Variants in TRPM2 observed in about 807,000 individuals in gnomAD.
The protein encoded by TRPM2 is estrogen-responsive element-associated gene 1 protein.
TRPM2 carries 161 observed loss-of-function variants against 174.0 expected under a neutral mutation model. The ratio of observed to expected loss-of-function variants is 0.93; its 90% confidence interval spans 0.81 to 1.05. TRPM2 has a LOEUF of 1.05. Among genes scored for constraint, TRPM2 ranks in the 50% least tolerant of loss-of-function variants. The probability of loss-of-function intolerance (pLI) is 0.00; values close to 1 mark genes in which losing one functional copy is unlikely to be tolerated. For synonymous variants in TRPM2, 954 were observed against 861.3 expected (o/e 1.11, Z -1.88); for missense variants, 2,057 against 2,038.0 (o/e 1.01, Z -0.18).
chr21:44,396,838 A>G (rs1239553452), intron 12 of TRPM2, among the ~76,000 whole-genome samples: 1 of 23,242 alleles, frequency 4.3e-5, no homozygotes, highest in Non-Finnish European at 7.2e-5. Flanking sequence ...GAGGCTGTGG[A>G]GGGGTGTGGA....
In TRPM2 at chr21:44,441,964, C is replaced by A; in HGVS notation, c.*147C>A. Reference sequence around the variant, plus strand: ...TGGACCCAGTGCCCCTCACGGCTGCCGCAAGTCTGCTGCAGATGACCTCAT... The same window carrying A: ...TGGACCCAGTGCCCCTCACGGCTGCAGCAAGTCTGCTGCAGATGACCTCAT... On this transcript the variant is annotated 3_prime_UTR_variant, in exon 32 of 32. Coordinates refer to ENST00000397928, the MANE Select transcript of TRPM2 (RefSeq NM_003307.4). The A allele has an allele frequency of 2.5e-6, 3 of 1,192,878 alleles. No individual in the cohort carries two copies. Among genetic ancestry groups the A allele is most frequent in the South Asian group, 2.2e-5 (1 of 45,332 alleles). 73.9% of individuals were successfully genotyped at this position (1,192,878 alleles called of 1,614,324 possible).
intron 13 of TRPM2, among the ~76,000 whole-genome samples, chr21:44,398,303 C>T (rs373364484): frequency 1.5e-4 from 23 of 151,684 alleles, no homozygotes; most frequent in Admixed American, 1.4e-3. Flanking sequence ...TGGATTCAAG[C>T]GATTCTCCTG....
chr21:44,361,749 C>T (rs1046796434), intron 2 of TRPM2, among the ~76,000 whole-genome samples: 22 of 151,996 alleles, frequency 1.4e-4, no homozygotes, highest in African/African-American at 4.6e-4. Flanking sequence ...ACTCTGTTGC[C>T]CAGGCTGGAG....
intron 13 of TRPM2, among the ~76,000 whole-genome samples, 156 bp downstream of exon 13, chr21:44,398,032 G>A (rs975147177): frequency 5.3e-5 from 8 of 152,146 alleles, no homozygotes; most frequent in East Asian, 1.9e-4. Flanking sequence ...TCCTCATCCC[G>A]GAGTCTCGGC....
intron 6 of TRPM2, among the ~76,000 whole-genome samples, 153 bp from the exon 7 acceptor site, chr21:44,377,559 C>A (rs1194617156): frequency 6.6e-6 from 1 of 152,236 alleles, no homozygotes; most frequent in African/African-American, 2.4e-5. Context: ...TAGGCTGGAG[C>A]CAGCAGGGGG....
chr21:44,402,795 C>T (rs45487098), intron 16 of TRPM2, among the ~76,000 whole-genome samples: 70 of 152,262 alleles, frequency 4.6e-4, no homozygotes, highest in Middle Eastern at 3.4e-3. Context: ...TGCTGGCAGC[C>T]GGTGAATGGG....
chr21:44,427,144 A>C, intron 27 of TRPM2, 33 bp downstream of exon 27: 1 of 1,535,130 alleles, frequency 6.5e-7, no homozygotes, highest in Non-Finnish European at 8.8e-7. Context: ...CCGCCCCGTC[A>C]GCCTTTGGGG....
rs2051293902 is a variant in TRPM2 at position 44,436,987 on chromosome 21, G to A, written c.4062-75G>A. The A allele has an allele frequency of 4.5e-5, 62 of 1,390,226 alleles. 2 individuals carry two copies. The South Asian group carries it at 6.8e-4, about 15-fold the overall frequency. The allele number at this position is 1,390,226 out of a possible 1,614,324, so 86.1% of individuals were successfully genotyped here. A position where few individuals can be genotyped will look rare whatever the true frequency, so the allele number is the denominator to read the frequency against. The stretch of plus-strand genomic sequence containing the variant: ...CTGACACTGCCCCGCCCCAGGCAGG[G>A]CCAGCCCCGCCGCGGCGCAGGGGAG... On this transcript the variant is annotated intron_variant, in intron 28 of 31. Transcript: ENST00000397928.
At chr21:44,433,656 C>G (rs540395927) in intron 27 of TRPM2, among the ~76,000 whole-genome samples, 1 of 152,318 alleles carries the variant, frequency 6.6e-6, no homozygotes, top group Non-Finnish European at 1.5e-5. Flanking sequence ...AGCTCTGTAG[C>G]TGGGTGGGGC....
At position 44,417,960 on chromosome 21, in the gene TRPM2, C is replaced by G. The variant is rs371699950; in HGVS notation, c.3180C>G (p.Asp1060Glu). 1 of 1,612,772 alleles carries G rather than the reference C, an allele frequency of 6.2e-7. No homozygotes were observed. The highest frequency in any genetic ancestry group is 1.3e-5 in the African/African-American group (1 of 74,926). Residue 1060 changes from aspartate (D) to glutamate (E), a missense_variant, in exon 21 of 32, where the codon GAC becomes GAG. Coordinates refer to ENST00000397928, the MANE Select transcript of TRPM2 (RefSeq NM_003307.4). ...YTFQQVQEHT[D>E]QIWKFQRHDL... ...TCCAGCAGGTGCAGGAGCACACGGA[C>G]CAGATTTGGAAGTTCCAGCGCCATG...
At chr21:44,397,287 T>C (rs1334975344) in intron 12 of TRPM2, among the ~76,000 whole-genome samples, 1 of 152,110 alleles carries the variant, frequency 6.6e-6, no homozygotes, top group Admixed American at 6.5e-5. Flanking sequence ...TCCGCCTGCC[T>C]CGGCCTTCCA....
chr21:44,433,157 C>T (rs1040555289), intron 27 of TRPM2, among the ~76,000 whole-genome samples: 10 of 152,300 alleles, frequency 6.6e-5, no homozygotes, highest in Non-Finnish European at 8.8e-5. Flanking sequence ...CAGAAGCGAG[C>T]GTGCATGTGG....
Position 44,432,955 on chromosome 21 carries a change from G to A in TRPM2, c.3975-2176G>A, listed in dbSNP as rs548775929. Among the ~76,000 whole-genome samples, 1 of 152,276 alleles carries A rather than the reference G, an allele frequency of 6.6e-6. No homozygotes were observed. The highest frequency in any genetic ancestry group is 1.9e-4 in the East Asian group (1 of 5,188). ...CCGGGCACGTGGCAGGGAGATGAGG[G>A]GTTGAGAACCATATGGACGAGATCA... On this transcript the variant is annotated intron_variant, in intron 27 of 31. Coordinates refer to ENST00000397928, the MANE Select transcript of TRPM2 (RefSeq NM_003307.4). The surrounding 1 kb of genome is among the most constrained non-coding windows in gnomAD (Gnocchi z 4.9).
At chr21:44,397,919 T>G (rs2049483614) in intron 13 of TRPM2, 43 bp downstream of exon 13, 14 of 1,531,090 alleles carry the variant, frequency 9.1e-6, no homozygotes, top group Non-Finnish European at 1.2e-5. Flanking sequence ...GGCTCAGCCG[T>G]GCATGCCCTC....
chr21:44,394,546 C>T (rs1373916854), intron 11 of TRPM2, among the ~76,000 whole-genome samples: 1 of 151,594 alleles, frequency 6.6e-6, no homozygotes, highest in Non-Finnish European at 1.5e-5. Flanking sequence ...GTCTCGATCT[C>T]CTGACCTCGT....
intron 19 of TRPM2, among the ~76,000 whole-genome samples, chr21:44,409,196 T>A (rs1005350870): frequency 6.6e-6 from 1 of 152,190 alleles, no homozygotes; most frequent in African/African-American, 2.4e-5. Flanking sequence ...GCTTTTGGTG[T>A]CCTAGCGAAA....
rs2050816506 is a variant in TRPM2 at position 44,427,008 on chromosome 21, A to G, written c.3873-2A>G. 1 of 1,591,756 alleles carries G rather than the reference A, an allele frequency of 6.3e-7. No individual in the cohort carries two copies. Among genetic ancestry groups the G allele is most frequent in the Non-Finnish European group, 8.5e-7 (1 of 1,170,542 alleles). On this transcript the variant is annotated splice_acceptor_variant, in intron 26 of 31. Transcript: ENST00000397928. LOFTEE classifies it high-confidence loss of function. ...CAGACACGCCTTCTCCTCTGCTCCC[A>G]GCACCCTGGAGCCACTGTCCACGAT...
At chr21:44,400,394 C>CAGGACTGT (rs747347247) in intron 15 of TRPM2, 23 bp downstream of exon 15, 1 of 1,586,444 alleles carries the variant, frequency 6.3e-7, no homozygotes, top group Admixed American at 1.8e-5. Context: ...TGCGGGGCTG[C>CAGGACTGT]GGGACTGTGG....
chr21:44,369,118 C>T (rs900993837), intron 4 of TRPM2, 59 bp from the exon 5 acceptor site: 8 of 1,341,122 alleles, frequency 6.0e-6, no homozygotes, highest in Non-Finnish European at 7.6e-6. Flanking sequence ...GCGTCAGGCT[C>T]CTGGGTGTCA....
Sources: gnomAD v4.1 joint callset for allele counts (sites outside exome capture counted in the v4.1 genomes callset) on GRCh38, gnomAD v4.1.1 for gene constraint, Gnocchi (gnomAD v3.1) non-coding constraint, MANE v1.5 for transcripts, NCBI Gene and HGNC (gene_info 2026-07-23, HGNC 2026-07-21) for gene names.